Variants in NELL1 observed in about 807,000 individuals in gnomAD.
The protein encoded by NELL1 is protein kinase C-binding protein NELL1.
NELL1 carries 76 observed loss-of-function variants against 107.4 expected under a neutral mutation model. The observed-to-expected ratio is 0.71, with a 90% CI of 0.59 to 0.86. The LOEUF (loss-of-function observed/expected upper bound fraction) is 0.86, where lower values mean the gene tolerates loss of function less well. Among genes scored for constraint, NELL1 ranks in the 40% least tolerant of loss-of-function variants. NELL1 has a pLI of 0.00. For missense variants in NELL1, 1,024 were observed against 1,005.5 expected (o/e 1.02, Z -0.25); for synonymous variants, 353 against 341.2 (o/e 1.03, Z -0.38).
intron 3 of NELL1, among the ~76,000 whole-genome samples, chr11:20,842,261 C>T (rs193302519): frequency 6.6e-6 from 1 of 152,036 alleles, no homozygotes; most frequent in Non-Finnish European, 1.5e-5. Context: ...GCCTGTAATC[C>T]CAGCTACTCA....
chr11:21,128,189 A>G (rs1203039432), intron 13 of NELL1, among the ~76,000 whole-genome samples: 1 of 152,184 alleles, frequency 6.6e-6, no homozygotes, highest in Non-Finnish European at 1.5e-5. Context: ...TGATGTTTTA[A>G]GGACCCCACA....
chr11:20,699,669 T>C (rs531466986), intron 2 of NELL1, among the ~76,000 whole-genome samples: 3 of 152,340 alleles, frequency 2.0e-5, no homozygotes, highest in African/African-American at 7.2e-5. Context: ...CACATTTTCT[T>C]TATCTACTCA....
At chr11:20,788,709 T>A (rs890458929) in intron 3 of NELL1, among the ~76,000 whole-genome samples, 12 of 152,122 alleles carry the variant, frequency 7.9e-5, no homozygotes, top group Non-Finnish European at 1.8e-4. Context: ...AATTTTTTTT[T>A]ATTTTTTATT....
intron 2 of NELL1, among the ~76,000 whole-genome samples, chr11:20,692,283 C>A (rs188880567): frequency 5.8e-4 from 87 of 150,328 alleles, no homozygotes; most frequent in African/African-American, 2.0e-3. Flanking sequence ...GTCTCTATTT[C>A]CTTCAGTTCT....
chr11:21,371,963 A>G (rs972338848), intron 15 of NELL1, among the ~76,000 whole-genome samples: 2 of 152,062 alleles, frequency 1.3e-5, no homozygotes, highest in African/African-American at 4.8e-5. Flanking sequence ...CACTGCCTGT[A>G]TATTTATGAG....
intron 15 of NELL1, among the ~76,000 whole-genome samples, chr11:21,529,340 T>A (rs913633070): frequency 1.3e-5 from 2 of 152,090 alleles, no homozygotes; most frequent in African/African-American, 4.8e-5. Flanking sequence ...ACCTTACATA[T>A]CTTCAAAGGA....
chr11:21,532,998 C>T (rs997732263), intron 15 of NELL1, among the ~76,000 whole-genome samples: 2 of 152,182 alleles, frequency 1.3e-5, no homozygotes, highest in Admixed American at 1.3e-4. Flanking sequence ...ATAATAAACA[C>T]ACACAGCCTA....
At chr11:21,447,025 G>C (rs1853449225) in intron 15 of NELL1, among the ~76,000 whole-genome samples, 1 of 152,142 alleles carries the variant, frequency 6.6e-6, no homozygotes, top group African/African-American at 2.4e-5. Context: ...GTTTACCCAG[G>C]CAGAAGTGTC....
At chr11:21,005,793 C>A (rs911074360) in intron 12 of NELL1, among the ~76,000 whole-genome samples, 1 of 152,152 alleles carries the variant, frequency 6.6e-6, no homozygotes, top group African/African-American at 2.4e-5. Context: ...TTTAGAAATA[C>A]AAACCAGAGT....
In NELL1 at chr11:21,575,001, T is replaced by G. The variant is rs150123730; in HGVS notation, c.2412T>G (p.Phe804Leu). Residue 804 changes from phenylalanine (F) to leucine (L), a missense_variant, in exon 20 of 20, where the codon TTT becomes TTG. By Grantham distance (22) the Phe-to-Leu change is conservative. Transcript: ENST00000357134. ...KNGRVCCSVD[F>L]ECLQNN ...GAAGAGTCTGTTGTTCTGTGGATTTTGAGTGTCTTCAAAATAATTGAAGTA... is the reference window on the plus strand; with the variant it reads ...GAAGAGTCTGTTGTTCTGTGGATTTGGAGTGTCTTCAAAATAATTGAAGTA... The G allele has an allele frequency of 6.2e-7, 1 of 1,610,984 alleles. No homozygotes were observed. Among genetic ancestry groups the G allele is most frequent in the Admixed American group, 1.7e-5 (1 of 59,782 alleles).
At chr11:20,842,232 C>T (rs1238990345) in intron 3 of NELL1, among the ~76,000 whole-genome samples, 1 of 151,940 alleles carries the variant, frequency 6.6e-6, no homozygotes, top group Non-Finnish European at 1.5e-5. Flanking sequence ...CAAAAATTAA[C>T]CAGGCATGGT....
chr11:21,236,945 A>C (rs1187100475), intron 14 of NELL1, among the ~76,000 whole-genome samples: 1 of 152,180 alleles, frequency 6.6e-6, no homozygotes, highest in Non-Finnish European at 1.5e-5. Flanking sequence ...GTTTTACTAC[A>C]TGACTTAGGG....
intron 9 of NELL1, among the ~76,000 whole-genome samples, chr11:20,930,957 TAAA>T (rs1178012937): frequency 6.6e-6 from 1 of 152,084 alleles, no homozygotes; most frequent in Non-Finnish European, 1.5e-5. Flanking sequence ...TAGACAAACT[TAAA>T]AAGAAATGAT....
chr11:21,198,039 G>T lies in NELL1; in HGVS notation c.1427-31293G>T, dbSNP rs114013342. 9.5e-3 allele frequency among the ~76,000 whole-genome samples: 1,450 copies of T among 152,296 alleles called. 21 individuals carry two copies. Among genetic ancestry groups the T allele is most frequent in the African/African-American group, 0.033 (1,368 of 41,570 alleles). On this transcript the variant is annotated intron_variant, in intron 13 of 19. Transcript: ENST00000357134. Reference sequence around the variant, plus strand: ...TCTCTTTGATATCCGGACCTCAGTGGGGAAAACTTCAAGTGCTGAGGGCAC... The same window carrying T: ...TCTCTTTGATATCCGGACCTCAGTGTGGAAAACTTCAAGTGCTGAGGGCAC...
chr11:20,895,529 G>A (rs1361304085), intron 5 of NELL1, among the ~76,000 whole-genome samples: 4 of 123,296 alleles, frequency 3.2e-5, no homozygotes, highest in Admixed American at 9.4e-5. Flanking sequence ...TTTTTGAGAC[G>A]GAGTCTCGCT....
chr11:20,703,911 G>A (rs563489277), intron 2 of NELL1, among the ~76,000 whole-genome samples: 1 of 152,176 alleles, frequency 6.6e-6, no homozygotes, highest in Admixed American at 6.5e-5. Flanking sequence ...GCTGAGGATT[G>A]CTTTACTTCC....
Position 20,937,841 on chromosome 11 carries a change from G to A in NELL1, c.1053G>A (p.Lys351=), listed in dbSNP as rs780060086. 1.9e-6 allele frequency: 3 copies of A among 1,614,074 alleles called. No homozygotes were observed. Among genetic ancestry groups the A allele is most frequent in the Non-Finnish European group, 2.5e-6 (3 of 1,179,932 alleles). Residue 351 remains lysine, a synonymous_variant, in exon 10 of 20, where the codon AAG becomes AAA. Transcript: ENST00000357134. ...VLAEGQRILT[K]SCRECRGGVL... ...CAGAAGGCCAGCGGATTTTAACCAA[G>A]AGCTGTCGGGAATGCCGAGTAAGTG... is the stretch of plus-strand genomic sequence containing the variant.
At chr11:21,333,642 A>G (rs1324805884) in intron 14 of NELL1, among the ~76,000 whole-genome samples, 7 of 152,020 alleles carry the variant, frequency 4.6e-5, no homozygotes, top group Non-Finnish European at 8.8e-5. Flanking sequence ...GTTGTCGTCT[A>G]TATTCAGCTC....
Position 20,991,932 on chromosome 11 carries a change from A to G in NELL1, c.1300+31372A>G, listed in dbSNP as rs553399327. On this transcript the variant is annotated intron_variant, in intron 12 of 19. Transcript: ENST00000357134. ...ACATTCCCAAGGTGACAGGTATTGT[A>G]CAGAAAGGGCATAACAACCCCTCTC... Among the ~76,000 whole-genome samples, 5 of 151,130 alleles carry G rather than the reference A, an allele frequency of 3.3e-5. No individual in the cohort carries two copies. The South Asian group carries it at 1.0e-3, about 32-fold the overall frequency.
Sources: allele counts gnomAD v4.1 joint callset (sites outside exome capture counted in the v4.1 genomes callset), GRCh38; gene constraint gnomAD v4.1.1; transcripts MANE v1.5; gene names NCBI Gene and HGNC (gene_info 2026-07-23, HGNC 2026-07-21).